Variants in NKAIN3 observed in about 807,000 individuals in gnomAD.
NKAIN3 encodes sodium/potassium transporting ATPase interacting 3.
A neutral mutation model predicts 30.2 loss-of-function variants in NKAIN3; 25 were observed. The observed-to-expected ratio is 0.83, with a 90% CI of 0.60 to 1.16. The LOEUF is 1.16. Among genes scored for constraint, NKAIN3 ranks in the 50% most tolerant of loss-of-function variants. NKAIN3 has a pLI of 0.00. For missense variants in NKAIN3, 225 were observed against 254.1 expected (o/e 0.89, Z 0.78); for synonymous variants, 91 against 89.6 (o/e 1.02, Z -0.09).
At chr8:62,835,905 A>C (rs1426137934) in intron 4 of NKAIN3, among the ~76,000 whole-genome samples, 1 of 152,152 alleles carries the variant, frequency 6.6e-6, no homozygotes, top group African/African-American at 2.4e-5. Flanking sequence ...TTGCAGTGCT[A>C]TTCACAATGG....
At chr8:62,661,366 C>G (rs1812938232) in intron 3 of NKAIN3, among the ~76,000 whole-genome samples, 1 of 152,136 alleles carries the variant, frequency 6.6e-6, no homozygotes, top group Non-Finnish European at 1.5e-5. Flanking sequence ...AGCTTCTTGA[C>G]TTCCAAATTG....
rs138000014 is a variant in NKAIN3 at position 62,290,636 on chromosome 8, G to A, written c.54+41509G>A. 7.6e-3 allele frequency among the ~76,000 whole-genome samples: 1,160 copies of A among 152,212 alleles called. 10 individuals carry two copies. Among genetic ancestry groups the A allele is most frequent in the African/African-American group, 0.027 (1,101 of 41,536 alleles). On this transcript the variant is annotated intron_variant, in intron 1 of 6. Coordinates refer to ENST00000623646, the MANE Select transcript of NKAIN3 (RefSeq NM_001304533.3). Reference sequence around the variant, plus strand: ...GCTTTTTGATGTGCTGCTGGATTCAGTTTGCCAGTATTTTATTAAGGATTT... The same window carrying A: ...GCTTTTTGATGTGCTGCTGGATTCAATTTGCCAGTATTTTATTAAGGATTT...
chr8:62,306,534 CTTTGTG>C (rs1814244749), intron 1 of NKAIN3, among the ~76,000 whole-genome samples: 1 of 87,976 alleles, frequency 1.1e-5, no homozygotes, highest in Admixed American at 1.3e-4. Context: ...GCTTTGAAGG[CTTTGTG>C]TGTGTGTGTG....
intron 1 of NKAIN3, among the ~76,000 whole-genome samples, chr8:62,289,831 G>A (rs192852815): frequency 2.0e-3 from 309 of 152,294 alleles, no homozygotes; most frequent in Non-Finnish European, 3.9e-3. Flanking sequence ...ATTACCTTGG[G>A]CAGTATGGCC....
At position 62,826,700 on chromosome 8, in the gene NKAIN3, G is replaced by A. The variant is rs1049593115; in HGVS notation, c.471+79571G>A. Among the ~76,000 whole-genome samples, 4 of 152,164 alleles carry A rather than the reference G, an allele frequency of 2.6e-5. No homozygotes were observed. In the South Asian group the frequency reaches 8.3e-4, roughly 31 times the overall value. ...TTAGTACCTGCTGTTTGGGTAGGGA[G>A]AAGACAATTACATGTGAAGGGTACT... On this transcript the variant is annotated intron_variant, in intron 4 of 6. Transcript: ENST00000623646.
At chr8:62,339,871 A>G (rs1815685331) in intron 1 of NKAIN3, among the ~76,000 whole-genome samples, 1 of 152,046 alleles carries the variant, frequency 6.6e-6, no homozygotes, top group Non-Finnish European at 1.5e-5. Flanking sequence ...AATGGTAAGG[A>G]AGACTTTATT....
At chr8:62,540,641 G>C (rs1462020451) in intron 1 of NKAIN3, among the ~76,000 whole-genome samples, 2 of 152,000 alleles carry the variant, frequency 1.3e-5, no homozygotes, top group Non-Finnish European at 2.9e-5. Flanking sequence ...AGAGAGTTTA[G>C]AGTAGCCTCT....
At chr8:62,774,803 G>T (rs1250600424) in intron 4 of NKAIN3, among the ~76,000 whole-genome samples, 1 of 152,068 alleles carries the variant, frequency 6.6e-6, no homozygotes. Context: ...AATTCAGTTT[G>T]CTAGTATTTT....
chr8:62,316,670 G>A (rs13249860), intron 1 of NKAIN3, among the ~76,000 whole-genome samples: 29,572 of 151,974 alleles, frequency 0.19, 3,774 homozygotes, highest in Non-Finnish European at 0.28. Context: ...TTTTAATCCA[G>A]TCTATCATTG....
At chr8:62,281,399 A>G (rs755530898) in intron 1 of NKAIN3, among the ~76,000 whole-genome samples, 4 of 151,518 alleles carry the variant, frequency 2.6e-5, no homozygotes, top group Admixed American at 6.6e-5. Context: ...GATCTTAGTT[A>G]TTTCTTGACT....
At chr8:62,876,142 C>A (rs74975832) in intron 4 of NKAIN3, among the ~76,000 whole-genome samples, 105,243 of 152,004 alleles carry the variant, frequency 0.69, 37,095 homozygotes, top group African/African-American at 0.78. Context: ...AAACAAACAA[C>A]CCCATCAAAA....
intron 1 of NKAIN3, among the ~76,000 whole-genome samples, chr8:62,495,926 A>T (rs1182281741): frequency 6.6e-6 from 1 of 152,010 alleles, no homozygotes; most frequent in Non-Finnish European, 1.5e-5. Context: ...AGCTATGCTG[A>T]CTCCAGGCCA....
intron 6 of NKAIN3, among the ~76,000 whole-genome samples, chr8:62,956,963 C>T (rs1357852470): frequency 1.3e-5 from 2 of 152,184 alleles, no homozygotes. Context: ...GAAAAGATGA[C>T]ACAATTTATC....
intron 4 of NKAIN3, among the ~76,000 whole-genome samples, chr8:62,859,160 TC>T (rs1186389608): frequency 3.3e-5 from 5 of 152,214 alleles, no homozygotes; most frequent in African/African-American, 1.2e-4. Flanking sequence ...ACTCACTGCT[TC>T]CTTTAACTGG....
chr8:62,497,176 T>C (rs1327964197), intron 1 of NKAIN3, among the ~76,000 whole-genome samples: 3 of 151,974 alleles, frequency 2.0e-5, no homozygotes, highest in Admixed American at 6.6e-5. Flanking sequence ...AAGTATTTGA[T>C]ATATATTTTA....
intron 1 of NKAIN3, among the ~76,000 whole-genome samples, chr8:62,533,705 T>C (rs1808558467): frequency 6.6e-6 from 1 of 152,244 alleles, no homozygotes; most frequent in Non-Finnish European, 1.5e-5. Context: ...AGTCGTTAGC[T>C]GTATACAGAG....
At chr8:62,466,696 A>T (rs1168092280) in intron 1 of NKAIN3, among the ~76,000 whole-genome samples, 1 of 152,212 alleles carries the variant, frequency 6.6e-6, no homozygotes, top group Admixed American at 6.5e-5. Context: ...TTGTTGCCAT[A>T]GCACATGGTA....
At chr8:62,411,144 T>A (rs1361268402) in intron 1 of NKAIN3, among the ~76,000 whole-genome samples, 1 of 152,064 alleles carries the variant, frequency 6.6e-6, no homozygotes, top group Non-Finnish European at 1.5e-5. Flanking sequence ...GATATAAAAA[T>A]CTTCAACAAA....
chr8:62,837,785 C>G (rs954679692), intron 4 of NKAIN3, among the ~76,000 whole-genome samples: 3 of 151,876 alleles, frequency 2.0e-5, no homozygotes, highest in African/African-American at 7.2e-5. Context: ...TCGCTGATGA[C>G]AAAAACAACT....
Sources: gnomAD v4.1 joint callset for allele counts (sites outside exome capture counted in the v4.1 genomes callset) on GRCh38, gnomAD v4.1.1 for gene constraint, MANE v1.5 for transcripts, NCBI Gene and HGNC (gene_info 2026-07-23, HGNC 2026-07-21) for gene names.